Variants in NPM1 observed in about 807,000 individuals in gnomAD.
NPM1 encodes nucleophosmin.
A neutral mutation model predicts 44.1 loss-of-function variants in NPM1; 1 was observed. The ratio of observed to expected loss-of-function variants is 0.02; its 90% CI spans 0.01 to 0.11. NPM1 has a LOEUF of 0.11. Among genes scored for constraint, NPM1 ranks in the 10% least tolerant of loss-of-function variants. NPM1 has a pLI of 1.00. For missense variants in NPM1, 197 were observed against 347.8 expected (o/e 0.57, Z 3.45); for synonymous variants, 126 against 111.8 (o/e 1.13, Z -0.80).
At chr5:171,395,125 A>G (rs1275225592) in intron 6 of NPM1, among the ~76,000 whole-genome samples, 3 of 152,202 alleles carry the variant, frequency 2.0e-5, no homozygotes, top group Admixed American at 2.0e-4. Flanking sequence ...GGTTGCAGCA[A>G]GCCAAGAATG....
rs1319591012 is a variant in NPM1, at chr5:171,403,997, G to A, written c.670-1305G>A. The stretch of plus-strand genomic sequence containing the variant: ...CATCTCCCGGACGGGGTGGCTGGCC[G>A]GGCTGAGGGGCTCCTCACTTCCCAG... On this transcript the variant is annotated intron_variant, in intron 8 of 10. Coordinates refer to ENST00000296930, the MANE Select transcript of NPM1 (RefSeq NM_002520.7). 3.8e-5 allele frequency among the ~76,000 whole-genome samples: 3 copies of A among 79,128 alleles called. 1 individual carries two copies. Among genetic ancestry groups the A allele is most frequent in the African/African-American group, 1.1e-4 (2 of 19,038 alleles). 51.9% of individuals were successfully genotyped at this position (79,128 alleles called of 152,430 possible).
At chr5:171,389,946 G>A (rs769580378) in intron 1 of NPM1, 105 bp from the exon 2 acceptor site, 8 of 680,494 alleles carry the variant, frequency 1.2e-5, no homozygotes, top group African/African-American at 1.8e-5. Context: ...AGCTAAAATA[G>A]TGAAAAACTA....
intron 8 of NPM1, among the ~76,000 whole-genome samples, chr5:171,403,153 GCCTT>G (rs1186424784): frequency 1.0e-5 from 1 of 100,342 alleles, no homozygotes; most frequent in East Asian, 3.2e-4. Flanking sequence ...GGACCCTGCG[GCCTT>G]CCGCAGTGTT....
chr5:171,400,980 C>T lies in NPM1; in HGVS notation c.669+55C>T, dbSNP rs184070874. 8.3e-6 allele frequency: 10 copies of T among 1,201,634 alleles called. 1 individual carries two copies. The South Asian group carries it at 1.2e-4, about 15-fold the overall frequency. 74.4% of individuals were successfully genotyped at this position (1,201,634 alleles called of 1,614,324 possible). ...ATTGATCTAGTTGGGGAAAAAGATTCTACTGTGGAAGAATCTAGTGTGTCT... is the reference window on the plus strand; with the variant it reads ...ATTGATCTAGTTGGGGAAAAAGATTTTACTGTGGAAGAATCTAGTGTGTCT... On this transcript the variant is annotated intron_variant, in intron 8 of 10. Transcript: ENST00000296930.
At chr5:171,390,207 CTT>C (rs936422264) in intron 2 of NPM1, 77 bp downstream of exon 2, 6 of 778,540 alleles carry the variant, frequency 7.7e-6, no homozygotes, top group South Asian at 3.7e-5. Flanking sequence ...TGGCTTGAGA[CTT>C]TTTTTCCTTT....
At position 171,392,694 on chromosome 5, in the gene NPM1, A is replaced by G. The variant is rs1365481807; in HGVS notation, c.353-16A>G. The G allele has an allele frequency of 6.4e-6, 10 of 1,569,286 alleles. No individual in the cohort carries two copies. The highest frequency in any genetic ancestry group is 3.4e-4 in the Middle Eastern group (2 of 5,970). ...TGCTGCTTGAGTTTTATAATGTCTA[A>G]TAAATTGTATTTTAGCTGTGGAGGA... On this transcript the variant is annotated splice_polypyrimidine_tract_variant and intron_variant, in intron 4 of 10. Transcript: ENST00000296930.
intron 9 of NPM1, 57 bp downstream of exon 9, chr5:171,405,460 G>A (rs1261609624): frequency 1.3e-6 from 1 of 758,408 alleles, no homozygotes; most frequent in Non-Finnish European, 2.3e-6. Flanking sequence ...CACGTGTCTG[G>A]TTTGCATAGA....
chr5:171,407,658 G>A, intron 9 of NPM1, 42 bp from the exon 10 acceptor site: 1 of 1,105,762 alleles, frequency 9.0e-7, no homozygotes, highest in East Asian at 2.3e-5. Context: ...CTCTCTCGGT[G>A]TATTTCTCTA....
intron 6 of NPM1, among the ~76,000 whole-genome samples, chr5:171,396,358 A>G (rs1011722586): frequency 6.6e-6 from 1 of 152,132 alleles, no homozygotes; most frequent in African/African-American, 2.4e-5. Context: ...AATAAGAAAA[A>G]ATGTTTAAAA....
chr5:171,388,717 T>A (rs1051903664), intron 1 of NPM1, among the ~76,000 whole-genome samples: 1 of 152,248 alleles, frequency 6.6e-6, no homozygotes, highest in East Asian at 1.9e-4. Context: ...ACTAGGGTTC[T>A]GGAGGTCTTT....
intron 4 of NPM1, among the ~76,000 whole-genome samples, chr5:171,392,451 A>T (rs1329091010): frequency 6.7e-6 from 1 of 150,262 alleles, no homozygotes; most frequent in Non-Finnish European, 1.5e-5. Context: ...CTTGGCCTCA[A>T]GTGGTCCGCC....
rs1378122106 is a variant in NPM1, at chr5:171,407,681, A to G, written c.772-19A>G. 1 of 1,470,726 alleles carries G rather than the reference A, an allele frequency of 6.8e-7. No homozygotes were observed. The highest frequency in any genetic ancestry group is 9.5e-7 in the Non-Finnish European group (1 of 1,051,272). The allele number at this position is 1,470,726 out of a possible 1,614,324, so 91.1% of individuals were successfully genotyped here. On this transcript the variant is annotated intron_variant, in intron 9 of 10. Coordinates refer to ENST00000296930, the MANE Select transcript of NPM1 (RefSeq NM_002520.7). ...GTGTATTTCTCTACTTACCTGTAAT[A>G]ATGCTTTTGTCTTAATAGGGTGGTT...
intron 8 of NPM1, among the ~76,000 whole-genome samples, chr5:171,401,134 G>A (rs1771175174): frequency 6.6e-6 from 1 of 151,952 alleles, no homozygotes; most frequent in Non-Finnish European, 1.5e-5. Flanking sequence ...AGGTGGGTGG[G>A]ATCACCTGAG....
intron 8 of NPM1, among the ~76,000 whole-genome samples, chr5:171,403,470 A>C (rs1284327045): frequency 8.4e-6 from 1 of 119,224 alleles, no homozygotes. Context: ...CTGCCTTTCT[A>C]TTCCACAAAG....
At chr5:171,409,289 ATTTG>A (rs1223430119) in intron 10 of NPM1, among the ~76,000 whole-genome samples, 1 of 152,198 alleles carries the variant, frequency 6.6e-6, no homozygotes, top group Non-Finnish European at 1.5e-5. Context: ...GACAATGTAT[ATTTG>A]TTTGAACCTG....
At chr5:171,397,185 A>C (rs1357490079) in intron 6 of NPM1, among the ~76,000 whole-genome samples, 1 of 152,152 alleles carries the variant, frequency 6.6e-6, no homozygotes, top group Non-Finnish European at 1.5e-5. Flanking sequence ...CTGTTTTCTT[A>C]GCACAGTGTT....
chr5:171,396,483 G>A (rs991788950), intron 6 of NPM1, among the ~76,000 whole-genome samples: 1 of 152,222 alleles, frequency 6.6e-6, no homozygotes, highest in Non-Finnish European at 1.5e-5. Context: ...AGGGCTATTT[G>A]TGACAGCTTT....
At chr5:171,405,994 GTCTCTCA>G (rs1771540772) in intron 9 of NPM1, among the ~76,000 whole-genome samples, 1 of 152,132 alleles carries the variant, frequency 6.6e-6, no homozygotes, top group African/African-American at 2.4e-5. Context: ...AGAGGGTTAG[GTCTCTCA>G]TCTGCTTGAC....
chr5:171,392,883 G>A lies in NPM1; in HGVS notation c.460-31G>A, dbSNP rs3830035. 620,062 of 1,606,498 alleles carry A rather than the reference G, an allele frequency of 0.39. 121,867 individuals carry two copies. The highest frequency in any genetic ancestry group is 0.54 in the East Asian group (24,413 of 44,810). ...TTAGTTTGGTGATAGAACAGCTCTTGTTCATGAGTACGTATCTTTTCTTTT... is the reference window on the plus strand; with the variant it reads ...TTAGTTTGGTGATAGAACAGCTCTTATTCATGAGTACGTATCTTTTCTTTT... On this transcript the variant is annotated intron_variant, in intron 5 of 10. Transcript: ENST00000296930.
Sources: allele counts gnomAD v4.1 joint callset (sites outside exome capture counted in the v4.1 genomes callset), GRCh38; gene constraint gnomAD v4.1.1; transcripts MANE v1.5; gene names NCBI Gene and HGNC (gene_info 2026-07-23, HGNC 2026-07-21).